The following SELE variants were observed in gnomAD, a reference collection of about 807,000 sequenced individuals.
The protein encoded by SELE is selectin E, also known as E-selectin.
Under a neutral mutation model 75.8 loss-of-function variants are expected in SELE, and 52 were observed. That is an observed-to-expected ratio of 0.69 (90% CI 0.55 to 0.86). SELE has a LOEUF of 0.86. Among genes scored for constraint, SELE ranks in the 40% least tolerant of loss-of-function variants. The pLI is 0.00. For missense variants in SELE, 754 were observed against 732.7 expected (o/e 1.03, Z -0.34); for synonymous variants, 285 against 258.7 (o/e 1.10, Z -0.98).
intron 11 of SELE, 145 bp from the exon 12 acceptor site, chr1:169,726,073 G>T: frequency 1.0e-6 from 1 of 963,208 alleles, no homozygotes; most frequent in Non-Finnish European, 1.6e-6. Flanking sequence ...CACAAGCATG[G>T]CTCTGTGGCA....
At position 169,731,862 on chromosome 1, in the gene SELE, C is replaced by T; in HGVS notation, c.502G>A (p.Gly168Ser). ...INNYTCKCDP[G>S]FSGLKCEQIV... is the part of the protein sequence containing the mutation. Reference sequence around the variant, plus strand: ...TGCTCACACTTGAGTCCACTGAAGCCAGGGTCACACTTGCAAGTGTAATTA... The same window carrying T: ...TGCTCACACTTGAGTCCACTGAAGCTAGGGTCACACTTGCAAGTGTAATTA... The change falls in exon 4 of 14, where the codon GGC (glycine) becomes AGC (serine). Residue 168 changes from glycine to serine, a missense_variant. Coordinates refer to ENST00000333360, the MANE Select transcript of SELE (RefSeq NM_000450.2). 6.2e-7 allele frequency: 1 copy of T among 1,613,652 alleles called. No individual in the cohort carries two copies. The highest frequency in any genetic ancestry group is 8.5e-7 in the Non-Finnish European group (1 of 1,179,634).
At chr1:169,725,306 G>T (rs887845814) in intron 13 of SELE, among the ~76,000 whole-genome samples, 4 of 151,518 alleles carry the variant, frequency 2.6e-5, no homozygotes, top group Non-Finnish European at 4.4e-5. Context: ...TTGCTTGAAC[G>T]CAGGAGGTGG....
intron 8 of SELE, 38 bp downstream of exon 8, chr1:169,728,018 TTC>T (rs755828791): frequency 6.3e-7 from 1 of 1,584,014 alleles, no homozygotes; most frequent in South Asian, 1.2e-5. Flanking sequence ...TCTTCAATAG[TTC>T]TTTTTATCTT....
rs1360953115 is a variant in SELE at position 169,722,673 on chromosome 1, G to A, written c.*1852C>T. On this transcript the variant is annotated 3_prime_UTR_variant, in exon 14 of 14. Coordinates refer to ENST00000333360, the MANE Select transcript of SELE (RefSeq NM_000450.2). ...AGCACATTTATTGTCAACCTTTATA[G>A]TGTTATGTCAAATAGGTCTGACATA... The A allele has an allele frequency of 6.6e-6, 1 of 152,044 alleles. No individual in the cohort carries two copies. The highest frequency in any genetic ancestry group is 2.4e-5 in the African/African-American group (1 of 41,400). The allele number at this position is 152,044 out of a possible 1,614,324, so 9.4% of individuals were successfully genotyped here.
intron 13 of SELE, 28 bp downstream of exon 13, chr1:169,725,701 A>AT: frequency 6.3e-7 from 1 of 1,585,688 alleles, no homozygotes; most frequent in Non-Finnish European, 8.7e-7. Flanking sequence ...TACCTCTCTC[A>AT]TAACCATTTG....
intron 3 of SELE, 113 bp downstream of exon 3, chr1:169,732,502 G>C: frequency 7.7e-7 from 1 of 1,302,892 alleles, no homozygotes; most frequent in Admixed American, 2.5e-5. Flanking sequence ...CAGTTAAACA[G>C]AATCTTTTGG....
rs2101988642 is a variant in SELE at position 169,722,822 on chromosome 1, A to G, written c.*1703T>C. 1 of 152,376 alleles carries G rather than the reference A, an allele frequency of 6.6e-6. No individual in the cohort carries two copies. The highest frequency in any genetic ancestry group is 2.1e-4 in the South Asian group (1 of 4,830). 9.4% of individuals were successfully genotyped at this position (152,376 alleles called of 1,614,324 possible). On this transcript the variant is annotated 3_prime_UTR_variant, in exon 14 of 14. Transcript: ENST00000333360. The stretch of plus-strand genomic sequence containing the variant: ...ACAGCTAATTTCTAATGCAGTTTAC[A>G]TAAATATTTACAACACTTAAACAAT...
At chr1:169,726,991 C>T (rs887008917) in intron 10 of SELE, among the ~76,000 whole-genome samples, 185 bp from the exon 11 acceptor site, 1 of 152,190 alleles carries the variant, frequency 6.6e-6, no homozygotes, top group Non-Finnish European at 1.5e-5. Flanking sequence ...ACCTTTGAAG[C>T]TATTTCCACC....
In SELE at chr1:169,725,918, A is replaced by G. The variant is rs774662685; in HGVS notation, c.1764T>C (p.Phe588=). The change falls in exon 12 of 14, where the codon TTT becomes TTC. Residue 588 remains phenylalanine (F), a synonymous_variant. Transcript: ENST00000333360. ...LRKCLRKAKK[F]VPASSCQSLE... ...AGAATGCAACTTACCTGGCAGGAAC[A>G]AATTTCTTTGCTGCAAAAGAAAAGA... 3 of 1,614,080 alleles carry G rather than the reference A, an allele frequency of 1.9e-6. No individual in the cohort carries two copies. In the South Asian group the frequency reaches 3.3e-5, roughly 18 times the overall value.
intron 2 of SELE, 126 bp downstream of exon 2, chr1:169,733,450 G>T: frequency 6.7e-6 from 6 of 900,238 alleles, no homozygotes; most frequent in Non-Finnish European, 1.1e-5. Flanking sequence ...AGAACACATT[G>T]CAGGTAGAGG....
In SELE at chr1:169,727,747, G is replaced by A; in HGVS notation, c.1460C>T (p.Ser487Phe). 6.2e-7 allele frequency: 1 copy of A among 1,613,706 alleles called. No individual in the cohort carries two copies. The highest frequency in any genetic ancestry group is 1.3e-5 in the African/African-American group (1 of 75,044). ...SQGQWTEEVP[S>F]CQVVKCSSLA... Reference sequence around the variant, plus strand: ...TCTGCACTCAATTCTACCTTGGCAGGAAGGAACCTCTTCTGTCCATTGTCC... The same window carrying A: ...TCTGCACTCAATTCTACCTTGGCAGAAAGGAACCTCTTCTGTCCATTGTCC... The change falls in exon 9 of 14, where the codon TCC (serine) becomes TTC (phenylalanine). Residue 487 changes from serine (S) to phenylalanine (F), a missense_variant. Ser to Phe is a radical substitution (Grantham distance 155). Coordinates refer to ENST00000333360, the MANE Select transcript of SELE (RefSeq NM_000450.2).
intron 5 of SELE, 27 bp downstream of exon 5, chr1:169,730,405 G>T (rs370162505): frequency 1.3e-6 from 2 of 1,543,850 alleles, no homozygotes; most frequent in Admixed American, 1.8e-5. Flanking sequence ...GTTACAGAAC[G>T]TTCTGTGCAT....
At chr1:169,727,991 T>G in intron 8 of SELE, 64 bp from the exon 9 acceptor site, 1 of 1,587,260 alleles carries the variant, frequency 6.3e-7, no homozygotes, top group Non-Finnish European at 8.6e-7. Context: ...TTTCCCAAGG[T>G]AACCAAGTTC....
Position 169,730,302 on chromosome 1 carries a change from A to G in SELE, c.715+130T>C. 4 of 844,864 alleles carry G rather than the reference A, an allele frequency of 4.7e-6. No homozygotes were observed. In the Admixed American group the frequency reaches 8.7e-5, roughly 18 times the overall value. The allele number at this position is 844,864 out of a possible 1,614,324, so 52.3% of individuals were successfully genotyped here. ...TTGGCAATATACATTGGCTGAGAGA[A>G]CAAATTGTATTAAAAACAAAAACAA... On this transcript the variant is annotated intron_variant, in intron 5 of 13. Transcript: ENST00000333360.
intron 2 of SELE, 147 bp from the exon 3 acceptor site, chr1:169,733,145 T>C: frequency 2.5e-6 from 2 of 796,416 alleles, no homozygotes; most frequent in East Asian, 2.7e-5. Flanking sequence ...GAAGTACGTA[T>C]GAAGAAACAG....
chr1:169,722,961 T>A lies in SELE; in HGVS notation c.*1564A>T, dbSNP rs1225866086. On this transcript the variant is annotated 3_prime_UTR_variant, in exon 14 of 14. Coordinates refer to ENST00000333360, the MANE Select transcript of SELE (RefSeq NM_000450.2). Reference sequence around the variant, plus strand: ...AGAACCTCTGCTGTTCTGATCCTTATCACATCTCTGTTTTGACTGTTGGCT... The same window carrying A: ...AGAACCTCTGCTGTTCTGATCCTTAACACATCTCTGTTTTGACTGTTGGCT... The A allele has an allele frequency of 6.6e-6, 1 of 152,228 alleles. No individual in the cohort carries two copies. The highest frequency in any genetic ancestry group is 2.4e-5 in the African/African-American group (1 of 41,468). The allele number at this position is 152,228 out of a possible 1,614,324, so 9.4% of individuals were successfully genotyped here. A position where few individuals can be genotyped will look rare whatever the true frequency, so the allele number is the denominator to read the frequency against.
At position 169,730,599 on chromosome 1, in the gene SELE, A is replaced by G. The variant is rs1361312468; in HGVS notation, c.548T>C (p.Leu183Pro). ...CAGGCTTCCATGCTCAGGGGATTCC[A>G]GGGCTGTACAGTTCACAACTGAAAA... ...KCEQIVNCTA[L>P]ESPEHGSLVC... The change falls in exon 5 of 14, where the codon CTG becomes CCG. Residue 183 changes from leucine to proline, a missense_variant. By Grantham distance (98) the Leu-to-Pro change is moderately conservative (BLOSUM62 -3). Transcript: ENST00000333360. The G allele has an allele frequency of 6.2e-7, 1 of 1,613,506 alleles. No individual in the cohort carries two copies. The highest frequency in any genetic ancestry group is 1.1e-5 in the South Asian group (1 of 90,984).
intron 4 of SELE, 81 bp from the exon 5 acceptor site, chr1:169,730,698 G>GT (rs60632494): frequency 0.19 from 101,797 of 546,366 alleles, 171 homozygotes; most frequent in East Asian, 0.25. Flanking sequence ...CTACAGTTTG[G>GT]TTTTTTTTTT....
rs1257256617 is a variant in SELE, at chr1:169,733,971, C to T, written c.-49G>A. 4 of 231,500 alleles carry T rather than the reference C, an allele frequency of 1.7e-5. No homozygotes were observed. The highest frequency in any genetic ancestry group is 1.0e-4 in the Admixed American group (2 of 19,070). 14.3% of individuals were successfully genotyped at this position (231,500 alleles called of 1,614,324 possible). On this transcript the variant is annotated splice_region_variant and 5_prime_UTR_variant, in exon 1 of 14. Coordinates refer to ENST00000333360, the MANE Select transcript of SELE (RefSeq NM_000450.2). ...CCCTTATAAAGCGTTCTGCACTTAC[C>T]GTTTTGGGAAGCAGTTGTTCAAACA...
Sources: gnomAD v4.1 joint callset for allele counts (sites outside exome capture counted in the v4.1 genomes callset) on GRCh38, gnomAD v4.1.1 for gene constraint, MANE v1.5 for transcripts, NCBI Gene and HGNC (gene_info 2026-07-23, HGNC 2026-07-21) for gene names.